The following GPHN variants were observed in gnomAD, a reference collection of about 807,000 sequenced individuals.
GPHN encodes the protein gephyrin.
In GPHN, 17 loss-of-function variants were observed where a neutral mutation model predicts 95.5. The ratio of observed to expected loss-of-function variants is 0.18; its 90% CI spans 0.12 to 0.27. The LOEUF (loss-of-function observed/expected upper bound fraction) is 0.27, where lower values mean the gene tolerates loss of function less well. Among genes scored for constraint, GPHN ranks in the 10% least tolerant of loss-of-function variants. The probability of loss-of-function intolerance (pLI) is 1.00; values close to 1 mark genes in which losing one functional copy is unlikely to be tolerated. For missense variants in GPHN, 660 were observed against 978.1 expected (o/e 0.67, Z 4.34); for synonymous variants, 320 against 322.5 (o/e 0.99, Z 0.08).
the GPHN span, chr14:67,374,615 T>C: frequency 9.7e-7 from 1 of 1,028,374 alleles, no homozygotes; most frequent in Non-Finnish European, 1.5e-6. Context: ...AAATCTTAAT[T>C]TCATACTGCT....
the GPHN span, among the ~76,000 whole-genome samples, chr14:67,206,850 C>T: frequency 1.6e-3 from 241 of 152,156 alleles, no homozygotes; most frequent in Admixed American, 4.0e-3. Context: ...TATGCCTCAG[C>T]TTTCCAAGTA....
intron 1 of GPHN, among the ~76,000 whole-genome samples, chr14:66,631,615 A>G (rs1046834424): frequency 1.3e-5 from 2 of 152,206 alleles, no homozygotes; most frequent in Admixed American, 1.3e-4. Context: ...TTTGCAGAAG[A>G]CAGTATTGCC....
chr14:67,229,523 A>G, the GPHN span, among the ~76,000 whole-genome samples: 218 of 152,312 alleles, frequency 1.4e-3, no homozygotes, highest in Non-Finnish European at 2.4e-3. Flanking sequence ...ACAGTGTAGA[A>G]TATTTTTCCA....
At chr14:66,530,532 C>T (rs1427666845) in intron 1 of GPHN, among the ~76,000 whole-genome samples, 1 of 152,044 alleles carries the variant, frequency 6.6e-6, no homozygotes, top group Non-Finnish European at 1.5e-5. Context: ...GCAGCTAGCT[C>T]GCTGTCTGTC....
chr14:66,905,176 G>A (rs1423692395), intron 5 of GPHN, among the ~76,000 whole-genome samples: 2 of 151,944 alleles, frequency 1.3e-5, no homozygotes, highest in African/African-American at 2.4e-5. Context: ...TGAGCTCACT[G>A]ACTCTTTCCT....
chr14:66,856,253 T>A (rs2062800461), intron 4 of GPHN, among the ~76,000 whole-genome samples: 1 of 152,164 alleles, frequency 6.6e-6, no homozygotes, highest in Non-Finnish European at 1.5e-5. Flanking sequence ...TTTGTGCTAT[T>A]CATGTATATT....
the GPHN span, among the ~76,000 whole-genome samples, chr14:67,604,536 C>CA: frequency 1.9e-5 from 1 of 53,446 alleles, no homozygotes; most frequent in Non-Finnish European, 6.1e-5. Flanking sequence ...CTCTACCAAA[C>CA]AAAAAACAAA....
chr14:67,035,377 G>A (rs754851938), intron 10 of GPHN, among the ~76,000 whole-genome samples: 2 of 151,576 alleles, frequency 1.3e-5, no homozygotes, highest in Non-Finnish European at 3.0e-5. Context: ...GAGAAAGAAG[G>A]AAATAATAAA....
At chr14:67,587,931 T>A in the GPHN span, 1 of 152,702 alleles carries the variant, frequency 6.5e-6, no homozygotes, top group African/African-American at 2.4e-5. Context: ...GACTAAAATT[T>A]CCAATTCTCC....
the GPHN span, chr14:67,397,984 T>C: frequency 3.0e-5 from 16 of 528,212 alleles, no homozygotes; most frequent in Non-Finnish European, 4.9e-5. Context: ...TCTGAGTACG[T>C]AGCAAAGACC....
At chr14:66,883,226 T>G (rs551144384) in intron 5 of GPHN, among the ~76,000 whole-genome samples, 57 of 152,100 alleles carry the variant, frequency 3.7e-4, no homozygotes, top group Middle Eastern at 3.4e-3. Flanking sequence ...TACTCTGTAT[T>G]AATTTTAGGT....
At chr14:67,203,239 C>T in the GPHN span, 1 of 1,611,784 alleles carries the variant, frequency 6.2e-7, no homozygotes, top group Non-Finnish European at 8.5e-7. Flanking sequence ...GATACAGAAA[C>T]CCTGTTTAAA....
chr14:67,204,437 G>T, the GPHN span: 21 of 1,391,104 alleles, frequency 1.5e-5, no homozygotes, highest in Non-Finnish European at 1.8e-5. Flanking sequence ...GTGAGAACTT[G>T]TCTCAAAACA....
chr14:67,293,617 C>T, the GPHN span, among the ~76,000 whole-genome samples: 6 of 152,160 alleles, frequency 3.9e-5, no homozygotes, highest in African/African-American at 1.2e-4. Context: ...ACTTTTCTTA[C>T]GGAGATTGAA....
chr14:66,880,722 T>A (rs2063889147), intron 5 of GPHN, among the ~76,000 whole-genome samples: 1 of 151,980 alleles, frequency 6.6e-6, no homozygotes, highest in Non-Finnish European at 1.5e-5. Flanking sequence ...ACATTAATGA[T>A]ATACTATTAT....
At chr14:67,674,291 C>T in the GPHN span, 1 of 1,297,962 alleles carries the variant, frequency 7.7e-7, no homozygotes, top group Non-Finnish European at 1.0e-6. Flanking sequence ...GACGCGGGCC[C>T]GGGTCTGGGA....
the GPHN span, among the ~76,000 whole-genome samples, chr14:67,219,944 T>C: frequency 6.6e-6 from 1 of 152,172 alleles, no homozygotes; most frequent in African/African-American, 2.4e-5. Context: ...CTAGCTAGAG[T>C]CTAATTTGAG....
At chr14:67,187,133 T>G in the GPHN span, among the ~76,000 whole-genome samples, 1 of 152,050 alleles carries the variant, frequency 6.6e-6, no homozygotes, top group African/African-American at 2.4e-5. Context: ...GCTCTTGAGG[T>G]TAATGCTAAG....
the GPHN span, among the ~76,000 whole-genome samples, chr14:67,359,373 G>C: frequency 1.3e-5 from 2 of 152,210 alleles, no homozygotes; most frequent in Non-Finnish European, 2.9e-5. Context: ...AGGGTATGTG[G>C]AATGGATGAA....
Sources: gnomAD v4.1 joint callset for allele counts (sites outside exome capture counted in the v4.1 genomes callset) on GRCh38, gnomAD v4.1.1 for gene constraint, MANE v1.5 for transcripts, NCBI Gene and HGNC (gene_info 2026-07-23, HGNC 2026-07-21) for gene names.